PEMT: variants seen among roughly 807,000 people sequenced by gnomAD.
PEMT encodes phospholipid methyltransferase.
Under a neutral mutation model 27.4 loss-of-function variants are expected in PEMT, and 23 were observed. The ratio of observed to expected loss-of-function variants is 0.84; its 90% CI spans 0.60 to 1.19. The LOEUF (loss-of-function observed/expected upper bound fraction) is 1.19. PEMT is among the 50% of genes most tolerant of loss of function. The probability of loss-of-function intolerance (pLI) is 0.00; values close to 1 mark genes in which losing one functional copy is unlikely to be tolerated. For synonymous variants in PEMT, 137 were observed against 139.1 expected, an observed-to-expected ratio of 0.98 and a Z score of 0.11; for missense variants, 307 against 310.1, an observed-to-expected ratio of 0.99 and a Z score of 0.07.
chr17:17,507,511 C>CA (rs1905971764), intron 5 of PEMT: 1 of 390,482 alleles, frequency 2.6e-6, no homozygotes, highest in African/African-American at 2.0e-5. Context: ...CAGACGTAAG[C>CA]AAAGATCCAA....
At chr17:17,510,568 A>G (rs926952404) in intron 4 of PEMT, among the ~76,000 whole-genome samples, 1 of 152,202 alleles carries the variant, frequency 6.6e-6, no homozygotes, top group Non-Finnish European at 1.5e-5. Flanking sequence ...AGGAAGCAGG[A>G]AGTGGGGCAC....
chr17:17,549,181 T>G (rs1192045775), intron 2 of PEMT, among the ~76,000 whole-genome samples: 1 of 152,094 alleles, frequency 6.6e-6, no homozygotes, highest in Non-Finnish European at 1.5e-5. Context: ...TTTAACAAAA[T>G]TTTTATTTAT....
rs768622016 is a variant in PEMT at position 17,506,209 on chromosome 17, G to A, written c.653+18C>T. The A allele has an allele frequency of 1.1e-5, 17 of 1,536,986 alleles. No individual in the cohort carries two copies. The Admixed American group carries it at 1.4e-4, about 12-fold the overall frequency. ...CAGTCGGGCAGCCACGCCCCCACCC[G>A]CCGCAGCCCCTACTCACTCTTCGTA... On this transcript the variant is annotated intron_variant, in intron 6 of 6. Transcript: ENST00000255389.
At chr17:17,529,101 G>A (rs113108646) in intron 2 of PEMT, among the ~76,000 whole-genome samples, 49 of 152,348 alleles carry the variant, frequency 3.2e-4, no homozygotes, top group African/African-American at 1.1e-3. Context: ...GTCACTGCCA[G>A]CTAGGCAGGC....
chr17:17,535,200 C>A (rs545342874), intron 2 of PEMT, among the ~76,000 whole-genome samples: 1 of 152,068 alleles, frequency 6.6e-6, no homozygotes, highest in African/African-American at 2.4e-5. Flanking sequence ...TGAACCACCA[C>A]GTCTGGCCTG....
At chr17:17,573,683 C>T (rs536061044) in intron 2 of PEMT, among the ~76,000 whole-genome samples, 1 of 152,092 alleles carries the variant, frequency 6.6e-6, no homozygotes, top group Non-Finnish European at 1.5e-5. Flanking sequence ...TTGGTATCCA[C>T]GGGGAACTGG....
rs546144042 is a variant in PEMT, at chr17:17,556,460, G to A, written c.204+20460C>T. 1.7e-3 allele frequency among the ~76,000 whole-genome samples: 264 copies of A among 151,610 alleles called. 2 individuals are homozygous for A. The highest frequency in any genetic ancestry group is 4.7e-3 in the African/African-American group (192 of 41,280). ...ATGATCTTGGCTCACTGCAACTCCC[G>A]CTTCCTGGGTTCAAGAGGTTCCCCT... On this transcript the variant is annotated intron_variant, in intron 2 of 6. Coordinates refer to ENST00000255389, the MANE Select transcript of PEMT (RefSeq NM_148172.3).
chr17:17,532,870 T>G (rs542242497), intron 2 of PEMT, among the ~76,000 whole-genome samples: 2 of 151,972 alleles, frequency 1.3e-5, no homozygotes. Context: ...CTACTGAAAA[T>G]ACAAAAATTA....
intron 2 of PEMT, among the ~76,000 whole-genome samples, chr17:17,534,062 T>C (rs1267641246): frequency 6.6e-6 from 1 of 152,098 alleles, no homozygotes; most frequent in South Asian, 2.1e-4. Context: ...TGCACACACC[T>C]ACCACCACAT....
intron 1 of PEMT, among the ~76,000 whole-genome samples, chr17:17,588,715 C>T (rs780173328): frequency 3.3e-5 from 5 of 152,214 alleles, no homozygotes; most frequent in East Asian, 1.9e-4. Context: ...TGGGTGCCCG[C>T]ACCCCTAGGC....
intron 1 of PEMT, 107 bp downstream of exon 1, chr17:17,591,424 A>C: frequency 3.2e-5 from 24 of 755,110 alleles, no homozygotes; most frequent in East Asian, 7.2e-5. Context: ...ATTGCCTGGG[A>C]ACTGGCGGCC....
chr17:17,565,820 T>C (rs190015068), intron 2 of PEMT, among the ~76,000 whole-genome samples: 1 of 152,236 alleles, frequency 6.6e-6, no homozygotes, highest in African/African-American at 2.4e-5. Context: ...TAGGCAAGAG[T>C]TTCTGGGGCT....
intron 2 of PEMT, among the ~76,000 whole-genome samples, chr17:17,535,366 G>A (rs997491681): frequency 1.3e-5 from 2 of 152,094 alleles, no homozygotes; most frequent in Non-Finnish European, 2.9e-5. Flanking sequence ...GGGAGATCAA[G>A]ACCATCCTGG....
chr17:17,577,714 C>T (rs1241271721), intron 1 of PEMT, among the ~76,000 whole-genome samples: 1 of 151,200 alleles, frequency 6.6e-6, no homozygotes, highest in Non-Finnish European at 1.5e-5. Flanking sequence ...AGCTAAACTA[C>T]AGCAGTTAAA....
intron 2 of PEMT, among the ~76,000 whole-genome samples, chr17:17,574,407 C>A (rs1249517428): frequency 1.3e-5 from 2 of 151,396 alleles, no homozygotes; most frequent in African/African-American, 4.9e-5. Context: ...GCAACCTCCG[C>A]CTCCTGGGTT....
chr17:17,559,235 C>A (rs1910292019), intron 2 of PEMT, among the ~76,000 whole-genome samples: 1 of 152,214 alleles, frequency 6.6e-6, no homozygotes, highest in South Asian at 2.1e-4. Flanking sequence ...GAAAAGGGGA[C>A]CCTGGGGAGG....
chr17:17,586,264 GAAAGAAAGAAAGAAAGAAAGAAAGAAAA>G lies in PEMT; in HGVS notation c.96+5239_96+5266del, dbSNP rs1228119934. Among the ~76,000 whole-genome samples the G allele has an allele frequency of 6.4e-3, 703 of 109,814 alleles. 35 individuals are homozygous for G. Among genetic ancestry groups the G allele is most frequent in the African/African-American group, 0.026 (651 of 25,198 alleles). The allele number at this position is 109,814 out of a possible 152,430, so 72.0% of individuals were successfully genotyped here. On this transcript the variant is annotated intron_variant, in intron 1 of 6. Transcript: ENST00000255389. ...AGAAAGAAAGAAAGAAAGAAAGAAA[GAAAGAAAGAAAGAAAGAAAGAAAGAAAA>G]AAAAAAACGCAGGTGGAAAATCGGG... is the stretch of plus-strand genomic sequence containing the variant.
At chr17:17,553,144 T>C (rs1909784091) in intron 2 of PEMT, among the ~76,000 whole-genome samples, 1 of 152,200 alleles carries the variant, frequency 6.6e-6, no homozygotes, top group Non-Finnish European at 1.5e-5. Context: ...CCTGTATCCA[T>C]GGCCAGGAAG....
chr17:17,522,817 T>C (rs990413791), intron 2 of PEMT, among the ~76,000 whole-genome samples: 4 of 152,168 alleles, frequency 2.6e-5, no homozygotes, highest in African/African-American at 4.8e-5. Context: ...AGCCCATGGC[T>C]GCAGGAGCAC....
Sources: gnomAD v4.1 joint callset for allele counts (sites outside exome capture counted in the v4.1 genomes callset) on GRCh38, gnomAD v4.1.1 for gene constraint, MANE v1.5 for transcripts, NCBI Gene and HGNC (gene_info 2026-07-23, HGNC 2026-07-21) for gene names.